Variants in MICU1 observed in about 807,000 individuals in gnomAD.
MICU1 encodes calcium uptake protein 1, mitochondrial.
MICU1 carries 45 observed loss-of-function variants against 56.8 expected under a neutral mutation model. The observed-to-expected ratio is 0.79, with a 90% CI of 0.62 to 1.02. MICU1 has a LOEUF of 1.02. Among genes scored for constraint, MICU1 ranks in the 50% least tolerant of loss-of-function variants. The pLI is 0.00. For synonymous variants in MICU1, 186 were observed against 195.1 expected (o/e 0.95, Z 0.39); for missense variants, 504 against 587.1 (o/e 0.86, Z 1.46).
intron 5 of MICU1, among the ~76,000 whole-genome samples, chr10:72,529,174 T>G (rs1042737132): frequency 6.6e-6 from 1 of 152,054 alleles, no homozygotes; most frequent in Non-Finnish European, 1.5e-5. Flanking sequence ...ATAAAGGAGG[T>G]GGAAATAAAA....
chr10:72,476,030 C>G (rs186520138), intron 7 of MICU1, among the ~76,000 whole-genome samples: 228 of 151,790 alleles, frequency 1.5e-3, no homozygotes, highest in African/African-American at 5.4e-3. Context: ...AGTTCGAGAC[C>G]AGCCTGGCCA....
intron 5 of MICU1, among the ~76,000 whole-genome samples, chr10:72,526,381 C>A (rs377454526): frequency 2.6e-5 from 4 of 152,054 alleles, no homozygotes; most frequent in African/African-American, 7.2e-5. Flanking sequence ...ACTGCACCTC[C>A]GCCTCCCGGG....
intron 1 of MICU1, among the ~76,000 whole-genome samples, chr10:72,601,538 GGAAAA>G (rs1841535362): frequency 6.6e-6 from 1 of 151,614 alleles, no homozygotes; most frequent in Admixed American, 6.6e-5. Context: ...TGCATGTGTA[GGAAAA>G]GAAATTATCT....
intron 1 of MICU1, among the ~76,000 whole-genome samples, chr10:72,572,277 A>G (rs1840630818): frequency 6.6e-6 from 1 of 152,228 alleles, no homozygotes; most frequent in African/African-American, 2.4e-5. Context: ...GACTAAGATC[A>G]TATAAAGTAT....
At chr10:72,520,450 T>C (rs1867783677) in intron 5 of MICU1, among the ~76,000 whole-genome samples, 3 of 152,206 alleles carry the variant, frequency 2.0e-5, no homozygotes, top group Non-Finnish European at 2.9e-5. Context: ...TAATTTGAAG[T>C]AGTTTATGAT....
intron 10 of MICU1, among the ~76,000 whole-genome samples, chr10:72,404,338 T>C (rs1780519071): frequency 6.6e-6 from 1 of 152,124 alleles, no homozygotes; most frequent in African/African-American, 2.4e-5. Context: ...TTAGAAAAGG[T>C]AAGTAAGGTT....
intron 9 of MICU1, among the ~76,000 whole-genome samples, chr10:72,422,281 CAGG>C (rs1164617279): frequency 6.6e-6 from 1 of 152,228 alleles, no homozygotes; most frequent in Non-Finnish European, 1.5e-5. Flanking sequence ...ACCTGCAAGG[CAGG>C]AGGAGAGCTC....
intron 2 of MICU1, among the ~76,000 whole-genome samples, chr10:72,564,398 G>A (rs1022871696): frequency 2.0e-5 from 3 of 151,984 alleles, no homozygotes; most frequent in South Asian, 2.1e-4. Flanking sequence ...AAAGTTAGCC[G>A]GGTGTGGTGG....
At chr10:72,482,021 T>C (rs1314313053) in intron 6 of MICU1, among the ~76,000 whole-genome samples, 1 of 152,228 alleles carries the variant, frequency 6.6e-6, no homozygotes, top group Non-Finnish European at 1.5e-5. Context: ...CACTGTTTCC[T>C]GAAGCACATT....
chr10:72,582,490 A>G (rs1292669326), intron 1 of MICU1, among the ~76,000 whole-genome samples: 1 of 152,234 alleles, frequency 6.6e-6, no homozygotes, highest in East Asian at 1.9e-4. Flanking sequence ...CTGAAATCCC[A>G]GCATTTTGGG....
chr10:72,587,691 T>C (rs1841102165), intron 1 of MICU1, among the ~76,000 whole-genome samples: 1 of 151,808 alleles, frequency 6.6e-6, no homozygotes, highest in African/African-American at 2.4e-5. Context: ...GTCTGAGGCA[T>C]GAGAATGGCT....
At chr10:72,556,621 G>A (rs771587660) in intron 3 of MICU1, among the ~76,000 whole-genome samples, 1 of 152,066 alleles carries the variant, frequency 6.6e-6, no homozygotes, top group African/African-American at 2.4e-5. Flanking sequence ...TTACACGTGT[G>A]AGCCACTGCA....
At chr10:72,572,766 A>T (rs1191664296) in intron 1 of MICU1, among the ~76,000 whole-genome samples, 3 of 152,172 alleles carry the variant, frequency 2.0e-5, no homozygotes, top group Admixed American at 6.5e-5. Flanking sequence ...ATACTCAGAT[A>T]CTTTTCACCC....
chr10:72,620,022 T>C (rs1054904268), intron 1 of MICU1, among the ~76,000 whole-genome samples: 1 of 152,122 alleles, frequency 6.6e-6, no homozygotes, highest in East Asian at 1.9e-4. Context: ...GTAGGCAAAG[T>C]ATTCATGTTT....
At chr10:72,378,801 T>A (rs558378574) in intron 10 of MICU1, among the ~76,000 whole-genome samples, 1 of 152,246 alleles carries the variant, frequency 6.6e-6, no homozygotes, top group South Asian at 2.1e-4. Context: ...CTCTTTAGAT[T>A]TAATTTTCTC....
At chr10:72,508,705 G>A (rs934453329) in intron 5 of MICU1, 9 of 152,784 alleles carry the variant, frequency 5.9e-5, no homozygotes, top group African/African-American at 2.2e-4. Flanking sequence ...AGAAAGAAGT[G>A]AGCAACTATT....
intron 1 of MICU1, among the ~76,000 whole-genome samples, chr10:72,617,979 A>G (rs1842021338): frequency 6.6e-6 from 1 of 152,206 alleles, no homozygotes; most frequent in Admixed American, 6.5e-5. Flanking sequence ...CAGCCTGGCC[A>G]ACATGGTAAA....
chr10:72,470,709 G>A lies in MICU1; in HGVS notation c.933+4391C>T, dbSNP rs192656859. On this transcript the variant is annotated intron_variant, in intron 8 of 11. Coordinates refer to ENST00000361114, the MANE Select transcript of MICU1 (RefSeq NM_001195518.2). ...AATTTCCAATACATGAACTTTGATC[G>A]GGGGGGGTGAGGTGGTGTATAATGA... Among the ~76,000 whole-genome samples the A allele has an allele frequency of 7.2e-3, 922 of 127,604 alleles. 9 individuals are homozygous for A. Among genetic ancestry groups the A allele is most frequent in the Non-Finnish European group, 9.7e-3 (652 of 67,312 alleles). The allele number at this position is 127,604 out of a possible 152,430, so 83.7% of individuals were successfully genotyped here.
intron 6 of MICU1, among the ~76,000 whole-genome samples, chr10:72,481,658 C>T (rs893136443): frequency 4.0e-4 from 61 of 152,176 alleles, no homozygotes; most frequent in African/African-American, 1.4e-3. Flanking sequence ...GTGATGCACC[C>T]GCCTTGGCCT....
Sources: gnomAD v4.1 joint callset for allele counts (sites outside exome capture counted in the v4.1 genomes callset) on GRCh38, gnomAD v4.1.1 for gene constraint, MANE v1.5 for transcripts, NCBI Gene and HGNC (gene_info 2026-07-23, HGNC 2026-07-21) for gene names.